The following INPPL1 variants were observed in gnomAD, a reference collection of about 807,000 sequenced individuals.
INPPL1 encodes phosphatidylinositol 3,4,5-trisphosphate 5-phosphatase 2.
Under a neutral mutation model 139.3 loss-of-function variants are expected in INPPL1, and 91 were observed. The observed-to-expected ratio is 0.65, with a 90% CI of 0.55 to 0.78. The LOEUF (loss-of-function observed/expected upper bound fraction) is 0.78, where lower values mean the gene tolerates loss of function less well. INPPL1 is among the 30% of genes least tolerant of loss of function. The pLI is 0.00. For missense variants in INPPL1, 1,411 were observed against 1,665.6 expected (o/e 0.85, Z 2.66); for synonymous variants, 719 against 686.6 (o/e 1.05, Z -0.74).
Position 72,235,110 on chromosome 11 carries a change from T to A in INPPL1, c.2416-6T>A. On this transcript the variant is annotated splice_region_variant and splice_polypyrimidine_tract_variant and intron_variant, in intron 21 of 27. Transcript: ENST00000298229. This position sits in a 1 kb window ranked among gnomAD's most constrained non-coding sequence, Gnocchi z 4.9. ...TTGTTCCTCACTGGGCCTCCCTGCT[T>A]CCCAGCTCAAACCAATTCTGGCTGA... is the stretch of plus-strand genomic sequence containing the variant. The A allele has an allele frequency of 6.2e-7, 1 of 1,613,460 alleles. No individual in the cohort carries two copies. Among genetic ancestry groups the A allele is most frequent in the Non-Finnish European group, 8.5e-7 (1 of 1,179,634 alleles).
chr11:72,226,891 A>C (rs867717038), intron 1 of INPPL1, among the ~76,000 whole-genome samples: 14 of 151,612 alleles, frequency 9.2e-5, no homozygotes, highest in Middle Eastern at 3.4e-3. Flanking sequence ...TTGTCCCAGG[A>C]GGGGGAGAAT....
Position 72,234,660 on chromosome 11 carries a change from G to A in INPPL1, c.2415+45G>A. ...CCCTGCTTATGGGTGAGGGCACAGA[G>A]AGGGGTACATAAGAGTTTATTGGAG... is the stretch of plus-strand genomic sequence containing the variant. On this transcript the variant is annotated intron_variant, in intron 21 of 27. Coordinates refer to ENST00000298229, the MANE Select transcript of INPPL1 (RefSeq NM_001567.4). This position sits in a 1 kb window ranked among gnomAD's most constrained non-coding sequence, Gnocchi z 4.2. 7.1e-7 allele frequency: 1 copy of A among 1,412,132 alleles called. No homozygotes were observed. The highest frequency in any genetic ancestry group is 1.0e-6 in the Non-Finnish European group (1 of 998,456). 87.5% of individuals were successfully genotyped at this position (1,412,132 alleles called of 1,614,324 possible).
intron 14 of INPPL1, 68 bp downstream of exon 14, chr11:72,232,404 C>T: frequency 7.1e-7 from 1 of 1,411,956 alleles, no homozygotes. Context: ...TTCCCGCTCC[C>T]ATACCCTAGC....
intron 19 of INPPL1, among the ~76,000 whole-genome samples, chr11:72,233,972 A>G (rs1260757896): frequency 1.3e-5 from 2 of 152,072 alleles, no homozygotes; most frequent in South Asian, 2.1e-4. Flanking sequence ...ACACCTATCT[A>G]TGTGTCTGTG....
Position 72,237,697 on chromosome 11 carries a change from G to A in INPPL1, c.3453G>A (p.Glu1151=). ...CAGCGCTCCTCCCAGGCCCCCTGGA[G>A]CTGCAGCCCCCCCGGGGACTGCCCT... ...ARSALLPGPL[E]LQPPRGLPSD... is the part of the protein sequence containing the mutation. The change falls in exon 26 of 28, where the codon GAG becomes GAA. Residue 1151 remains glutamate, a synonymous_variant. Coordinates refer to ENST00000298229, the MANE Select transcript of INPPL1 (RefSeq NM_001567.4). 1.2e-6 allele frequency: 2 copies of A among 1,611,914 alleles called. No homozygotes were observed. The highest frequency in any genetic ancestry group is 1.7e-6 in the Non-Finnish European group (2 of 1,179,516).
chr11:72,229,432 G>T, intron 5 of INPPL1, 33 bp from the exon 6 acceptor site: 1 of 1,595,638 alleles, frequency 6.3e-7, no homozygotes, highest in Non-Finnish European at 8.6e-7. Context: ...TTAGGTCGGG[G>T]TGGGAGTTCT....
At position 72,234,620 on chromosome 11, in the gene INPPL1, G is replaced by A. The variant is rs1283947975; in HGVS notation, c.2415+5G>A. 1.2e-6 allele frequency: 2 copies of A among 1,607,162 alleles called. No homozygotes were observed. The highest frequency in any genetic ancestry group is 1.7e-6 in the Non-Finnish European group (2 of 1,173,850). ...TCTTCACGCCAGCTGCCCACGGTGA[G>A]GCTGTGGGCAGGGCCCCTGCTTATG... On this transcript the variant is annotated splice_donor_5th_base_variant and intron_variant, in intron 21 of 27. Coordinates refer to ENST00000298229, the MANE Select transcript of INPPL1 (RefSeq NM_001567.4). The surrounding 1 kb of genome is among the most constrained non-coding windows in gnomAD (Gnocchi z 4.2).
chr11:72,233,595 G>C, intron 18 of INPPL1, 60 bp from the exon 19 acceptor site: 5 of 1,605,648 alleles, frequency 3.1e-6, no homozygotes, highest in Non-Finnish European at 4.3e-6. Flanking sequence ...AACCTTGGGA[G>C]GTGGGAGCCG....
At position 72,228,307 on chromosome 11, in the gene INPPL1, C is replaced by A. The variant is rs1189468569; in HGVS notation, c.247-41C>A. Reference sequence around the variant, plus strand: ...CTTGATCCAGCCTAGGGCTTGGGGACCTGCTGGCTGACCCTTCCTCCCACC... The same window carrying A: ...CTTGATCCAGCCTAGGGCTTGGGGAACTGCTGGCTGACCCTTCCTCCCACC... On this transcript the variant is annotated intron_variant, in intron 2 of 27. Transcript: ENST00000298229. The surrounding 1 kb of genome is among the most constrained non-coding windows in gnomAD (Gnocchi z 5.0). The A allele has an allele frequency of 6.2e-7, 1 of 1,613,902 alleles. No homozygotes were observed. Among genetic ancestry groups the A allele is most frequent in the African/African-American group, 1.3e-5 (1 of 74,912 alleles).
intron 25 of INPPL1, among the ~76,000 whole-genome samples, chr11:72,236,332 G>A (rs1166634862): frequency 6.6e-6 from 1 of 152,258 alleles, no homozygotes; most frequent in East Asian, 1.9e-4. Flanking sequence ...ACCTTCTTTG[G>A]AACTCTGTCC....
At chr11:72,226,619 G>T (rs1340023810) in intron 1 of INPPL1, among the ~76,000 whole-genome samples, 2 of 152,204 alleles carry the variant, frequency 1.3e-5, no homozygotes, top group African/African-American at 4.8e-5. Context: ...AATGTCAGTG[G>T]TATGGAGGTT....
chr11:72,237,597 AC>A lies in INPPL1; in HGVS notation c.3355del (p.Arg1119GlyfsTer12). The A allele has an allele frequency of 6.2e-7, 1 of 1,600,698 alleles. No individual in the cohort carries two copies. ...CTGGGGGAAGTGGCCAGTGGGGATG[AC>A]CGGTCCTGCTCGGTGCTGCAGATGG... is the stretch of plus-strand genomic sequence containing the variant. ...TFLGEVASGD[D>X]RSCSVLQMAK... On this transcript the variant is annotated frameshift_variant, in exon 26 of 28. Transcript: ENST00000298229. LOFTEE classifies it high-confidence loss of function.
chr11:72,231,200 G>A lies in INPPL1; in HGVS notation c.1497+11G>A, dbSNP rs565550675. 1.9e-6 allele frequency: 3 copies of A among 1,604,962 alleles called. No homozygotes were observed. Among genetic ancestry groups the A allele is most frequent in the East Asian group, 2.2e-5 (1 of 44,862 alleles). ...CTGGATTACCGCCCGGTGAGGGGGGGTCATCTTGTCCAGGACCCTGTCCTC... is the reference window on the plus strand; with the variant it reads ...CTGGATTACCGCCCGGTGAGGGGGGATCATCTTGTCCAGGACCCTGTCCTC... On this transcript the variant is annotated intron_variant, in intron 12 of 27. Transcript: ENST00000298229.
rs1281642508 is a variant in INPPL1 at position 72,225,093 on chromosome 11, C to G, written c.109C>G (p.Arg37Gly). 3 of 1,231,228 alleles carry G rather than the reference C, an allele frequency of 2.4e-6. No homozygotes were observed. The highest frequency in any genetic ancestry group is 3.1e-5 in the African/African-American group (2 of 64,350). 76.3% of individuals were successfully genotyped at this position (1,231,228 alleles called of 1,614,324 possible). The change falls in exon 1 of 28, where the codon CGG (arginine) becomes GGG (glycine). Residue 37 changes from arginine to glycine, a missense_variant. Transcript: ENST00000298229. ...SRAAAEELLA[R>G]AGRDGSFLVR... ...GGCGGCCGCGGAGGAGCTGCTGGCCCGGGCGGGCCGCGATGGCAGCTTCCT... is the reference window on the plus strand; with the variant it reads ...GGCGGCCGCGGAGGAGCTGCTGGCCGGGGCGGGCCGCGATGGCAGCTTCCT...
chr11:72,235,561 G>A lies in INPPL1; in HGVS notation c.2659+110G>A. On this transcript the variant is annotated intron_variant, in intron 23 of 27. Coordinates refer to ENST00000298229, the MANE Select transcript of INPPL1 (RefSeq NM_001567.4). The surrounding 1 kb of genome is among the most constrained non-coding windows in gnomAD (Gnocchi z 4.9). The stretch of plus-strand genomic sequence containing the variant: ...GATACCTGGAGGTTCTGCAGCCACA[G>A]CTGGGAATAGTCCTGCCCCAAGGCA... The A allele has an allele frequency of 6.4e-7, 1 of 1,560,738 alleles. No individual in the cohort carries two copies. The highest frequency in any genetic ancestry group is 8.7e-7 in the Non-Finnish European group (1 of 1,144,060).
At chr11:72,230,646 C>A in intron 10 of INPPL1, 150 bp from the exon 11 acceptor site, 1 of 836,218 alleles carries the variant, frequency 1.2e-6, no homozygotes, top group Non-Finnish European at 1.9e-6. Context: ...ATAACATTTG[C>A]CAGCACTGTT....
intron 7 of INPPL1, 65 bp downstream of exon 7, chr11:72,229,817 T>G: frequency 6.4e-7 from 1 of 1,563,406 alleles, no homozygotes. Context: ...AGCACTGATC[T>G]CAACCCTCAG....
chr11:72,232,734 C>T lies in INPPL1; in HGVS notation c.1821C>T (p.Asp607=). The T allele has an allele frequency of 1.2e-6, 2 of 1,614,024 alleles. No homozygotes were observed. Among genetic ancestry groups the T allele is most frequent in the Non-Finnish European group, 1.7e-6 (2 of 1,180,016 alleles). ...LRFTHLFWFG[D]LNYRLDMDIQ... ...TCACACACCTCTTCTGGTTTGGGGA[C>T]CTCAACTACCGCCTGGACATGGATA... is the stretch of plus-strand genomic sequence containing the variant. Residue 607 remains aspartate (D), a synonymous_variant, in exon 15 of 28, where the codon GAC becomes GAT. Transcript: ENST00000298229.
chr11:72,228,420 C>T lies in INPPL1; in HGVS notation c.319C>T (p.Gln107Ter). 11 of 1,613,006 alleles carry T rather than the reference C, an allele frequency of 6.8e-6. No homozygotes were observed. The highest frequency in any genetic ancestry group is 9.3e-6 in the Non-Finnish European group (11 of 1,180,010). ...CATCGGCCTGTACGCCCAGCCCAAC[C>T]AGGGCCTTGTGTGCGCCCTGCTTCT... is the stretch of plus-strand genomic sequence containing the variant. ...ELIGLYAQPN[Q>*]GLVCALLLPV... The change falls in exon 3 of 28, where the codon CAG (glutamine) becomes TAG (stop). Residue 107 changes from glutamine to a stop codon, truncating the protein, a stop_gained. Coordinates refer to ENST00000298229, the MANE Select transcript of INPPL1 (RefSeq NM_001567.4). LOFTEE classifies it high-confidence loss of function. The surrounding 1 kb of genome is among the most constrained non-coding windows in gnomAD (Gnocchi z 5.0).
Sources: gnomAD v4.1 joint callset for allele counts (sites outside exome capture counted in the v4.1 genomes callset) on GRCh38, gnomAD v4.1.1 for gene constraint, Gnocchi (gnomAD v3.1) non-coding constraint, MANE v1.5 for transcripts, NCBI Gene and HGNC (gene_info 2026-07-23, HGNC 2026-07-21) for gene names.